Variants in VWA1 observed in about 807,000 individuals in gnomAD.
The protein encoded by VWA1 is von Willebrand factor A domain-containing protein 1.
A neutral mutation model predicts 14.9 loss-of-function variants in VWA1; 12 were observed. The observed-to-expected ratio is 0.80, with a 90% CI of 0.52 to 1.30. VWA1 has a LOEUF of 1.30. Among genes scored for constraint, VWA1 ranks in the 50% most tolerant of loss-of-function variants. VWA1 has a pLI of 0.00. For synonymous variants in VWA1, 368 were observed against 310.7 expected, an observed-to-expected ratio of 1.18 and a Z score of -1.94; for missense variants, 800 against 649.1, an observed-to-expected ratio of 1.23 and a Z score of -2.53.
Position 1,439,794 on chromosome 1 carries a change from G to A in VWA1, c.*7G>A, listed in dbSNP as rs1332610362. On this transcript the variant is annotated 3_prime_UTR_variant, in exon 3 of 3. Transcript: ENST00000476993. ...CGCCAGCCGTGAGCCGTAAGCCGGC[G>A]TCCCCGCCCAGCCGAGAGGGCCGGC... The A allele has an allele frequency of 9.3e-7, 1 of 1,071,884 alleles. No individual in the cohort carries two copies. The allele number at this position is 1,071,884 out of a possible 1,614,324, so 66.4% of individuals were successfully genotyped here.
rs1048567279 is a variant in VWA1, at chr1:1,442,379, T to G, written c.*2592T>G. ...GTTGAGACGAGAAGAGCGACAAGGT[T>G]GTGATCCACGTGGCAGGTGTTCAGA... On this transcript the variant is annotated 3_prime_UTR_variant, in exon 3 of 3. Coordinates refer to ENST00000476993, the MANE Select transcript of VWA1 (RefSeq NM_022834.5). The G allele has an allele frequency of 6.6e-6, 1 of 152,344 alleles. No individual in the cohort carries two copies. Among genetic ancestry groups the G allele is most frequent in the Non-Finnish European group, 1.5e-5 (1 of 68,114 alleles). 9.4% of individuals were successfully genotyped at this position (152,344 alleles called of 1,614,324 possible). A position where few individuals can be genotyped will look rare whatever the true frequency, so the allele number is the denominator to read the frequency against.
At chr1:1,437,955 C>G (rs3843248) in intron 2 of VWA1, among the ~76,000 whole-genome samples, 49,975 of 152,116 alleles carry the variant, frequency 0.33, 10,061 homozygotes, top group East Asian at 0.91. Flanking sequence ...TGAACTAGTT[C>G]GGACTGCAGG....
chr1:1,435,922 G>T, intron 1 of VWA1, 101 bp downstream of exon 1: 2 of 804,754 alleles, frequency 2.5e-6, no homozygotes, highest in Non-Finnish European at 3.1e-6. Flanking sequence ...CGGACGGGCG[G>T]GCGGGCTGGG....
Position 1,439,460 on chromosome 1 carries a change from C to A in VWA1, c.1011C>A (p.Arg337=), listed in dbSNP as rs915964395. Reference sequence around the variant, plus strand: ...CCCCAGAGGAGGCCGGGCCAGAGCGCATCGTCATCTCCCACGCCCGGCCGC... The same window carrying A: ...CCCCAGAGGAGGCCGGGCCAGAGCGAATCGTCATCTCCCACGCCCGGCCGC... ...LPAPEEAGPE[R]IVISHARPRS... The change falls in exon 3 of 3, where the codon CGC becomes CGA. Residue 337 remains arginine, a synonymous_variant. Coordinates refer to ENST00000476993, the MANE Select transcript of VWA1 (RefSeq NM_022834.5). 3 of 1,426,128 alleles carry A rather than the reference C, an allele frequency of 2.1e-6. No individual in the cohort carries two copies. Among genetic ancestry groups the A allele is most frequent in the Non-Finnish European group, 2.7e-6 (3 of 1,099,304 alleles). The allele number at this position is 1,426,128 out of a possible 1,614,324, so 88.3% of individuals were successfully genotyped here.
Position 1,437,483 on chromosome 1 carries a change from C to T in VWA1, c.630C>T (p.Leu210=), listed in dbSNP as rs754519281. 3.3e-5 allele frequency: 53 copies of T among 1,598,952 alleles called. 1 individual carries two copies. In the South Asian group the frequency reaches 4.1e-4, roughly 12 times the overall value. The change falls in exon 2 of 3, where the codon CTC becomes CTT. Residue 210 remains leucine (L), a splice_region_variant and synonymous_variant. Transcript: ENST00000476993. The part of the protein sequence containing the change: ...IIVQELRGSI[L]DAMRPQQLHA... ...TCCAAGAGCTGAGGGGCTCCATTCT[C>T]GGTATGCGGGAGGAGGCAGGGCCCA...
chr1:1,438,508 C>T (rs1037934532), intron 2 of VWA1, among the ~76,000 whole-genome samples: 3 of 152,148 alleles, frequency 2.0e-5, no homozygotes, highest in Non-Finnish European at 4.4e-5. Flanking sequence ...TTATGAGCCT[C>T]GCCACAGCAG....
intron 1 of VWA1, 114 bp downstream of exon 1, chr1:1,435,935 G>A: frequency 1.4e-6 from 1 of 711,410 alleles, no homozygotes; most frequent in Non-Finnish European, 1.8e-6. Context: ...GGGCTGGGAG[G>A]CTGCGGGAGC....
rs1198366531 is a variant in VWA1, at chr1:1,439,457, G to A, written c.1008G>A (p.Glu336=). 1 of 1,425,988 alleles carries A rather than the reference G, an allele frequency of 7.0e-7. No homozygotes were observed. Among genetic ancestry groups the A allele is most frequent in the Admixed American group, 2.9e-5 (1 of 34,028 alleles). 88.3% of individuals were successfully genotyped at this position (1,425,988 alleles called of 1,614,324 possible). Reference sequence around the variant, plus strand: ...CCGCCCCAGAGGAGGCCGGGCCAGAGCGCATCGTCATCTCCCACGCCCGGC... The same window carrying A: ...CCGCCCCAGAGGAGGCCGGGCCAGAACGCATCGTCATCTCCCACGCCCGGC... ...ALPAPEEAGP[E]RIVISHARPR... The change falls in exon 3 of 3, where the codon GAG becomes GAA. Residue 336 remains glutamate (E), a synonymous_variant. Coordinates refer to ENST00000476993, the MANE Select transcript of VWA1 (RefSeq NM_022834.5).
At position 1,442,748 on chromosome 1, in the gene VWA1, A is replaced by AGGC. The variant is rs1638696625; in HGVS notation, c.*2962_*2964dup. On this transcript the variant is annotated 3_prime_UTR_variant, in exon 3 of 3. Coordinates refer to ENST00000476993, the MANE Select transcript of VWA1 (RefSeq NM_022834.5). ...CAGCTGTTCGTGAGAAGCCAGACAG[A>AGGC]GGCCTGGGGTCTCAGTCCAGATTTC... is the stretch of plus-strand genomic sequence containing the variant. The AGGC allele has an allele frequency of 6.6e-6, 1 of 152,262 alleles. No homozygotes were observed. The highest frequency in any genetic ancestry group is 1.5e-5 in the Non-Finnish European group (1 of 68,056). The allele number at this position is 152,262 out of a possible 1,614,324, so 9.4% of individuals were successfully genotyped here. A position where few individuals can be genotyped will look rare whatever the true frequency, so the allele number is the denominator to read the frequency against.
At chr1:1,436,088 G>A (rs914535618) in intron 1 of VWA1, among the ~76,000 whole-genome samples, 2 of 152,180 alleles carry the variant, frequency 1.3e-5, no homozygotes, top group Admixed American at 6.5e-5. Flanking sequence ...CAGGAAGAGG[G>A]AGATGTCTGT....
intron 1 of VWA1, among the ~76,000 whole-genome samples, chr1:1,436,611 G>A (rs902135803): frequency 6.6e-6 from 1 of 152,210 alleles, no homozygotes; most frequent in Non-Finnish European, 1.5e-5. Flanking sequence ...TGGGGGCCTA[G>A]GCCAGGACTC....
Position 1,437,478 on chromosome 1 carries a change from A to G in VWA1, c.625A>G (p.Ile209Val), listed in dbSNP as rs576970389. The G allele has an allele frequency of 6.7e-5, 107 of 1,600,524 alleles. 3 individuals are homozygous for G. In the South Asian group the frequency reaches 1.2e-3, roughly 17 times the overall value. Residue 209 changes from isoleucine (I) to valine (V), a missense_variant, in exon 2 of 3, where the codon ATT (isoleucine) becomes GTT (valine). By Grantham distance (29) the Ile-to-Val change is conservative (BLOSUM62 3). Transcript: ENST00000476993. ...HIIVQELRGS[I>V]LDAMRPQQLH... is the part of the protein sequence containing the mutation. The stretch of plus-strand genomic sequence containing the variant: ...CATTGTCCAAGAGCTGAGGGGCTCC[A>G]TTCTCGGTATGCGGGAGGAGGCAGG...
At chr1:1,436,415 G>A (rs182435726) in intron 1 of VWA1, among the ~76,000 whole-genome samples, 56 of 152,300 alleles carry the variant, frequency 3.7e-4, no homozygotes, top group Admixed American at 7.2e-4. Context: ...TCTAGTAAGC[G>A]GGGTCTGGGC....
Position 1,437,378 on chromosome 1 carries a change from C to T in VWA1, c.525C>T (p.Phe175=). 1 of 1,612,872 alleles carries T rather than the reference C, an allele frequency of 6.2e-7. No homozygotes were observed. Among genetic ancestry groups the T allele is most frequent in the African/African-American group, 1.3e-5 (1 of 75,056 alleles). The change falls in exon 2 of 3, where the codon TTC becomes TTT. Residue 175 remains phenylalanine, a synonymous_variant. Transcript: ENST00000476993. ...VFIVSTGRGN[F]LELSAAASAP... Reference sequence around the variant, plus strand: ...TTGTCAGCACCGGCCGAGGCAACTTCCTGGAGCTGTCAGCCGCTGCCTCAG... The same window carrying T: ...TTGTCAGCACCGGCCGAGGCAACTTTCTGGAGCTGTCAGCCGCTGCCTCAG...
Position 1,437,428 on chromosome 1 carries a change from T to A in VWA1, c.575T>A (p.Phe192Tyr). The change falls in exon 2 of 3, where the codon TTT becomes TAT. Residue 192 changes from phenylalanine to tyrosine, a missense_variant. Transcript: ENST00000476993. The stretch of plus-strand genomic sequence containing the variant: ...GCCCCTGCCGAGAAGCACCTGCACT[T>A]TGTGGACGTGGATGACCTGCACATC... ...ASAPAEKHLH[F>Y]VDVDDLHIIV... is the part of the protein sequence containing the mutation. 1 of 1,612,634 alleles carries A rather than the reference T, an allele frequency of 6.2e-7. No individual in the cohort carries two copies. Among genetic ancestry groups the A allele is most frequent in the Non-Finnish European group, 8.5e-7 (1 of 1,179,864 alleles).
rs757856065 is a variant in VWA1, at chr1:1,439,066, C to T, written c.632-15C>T. On this transcript the variant is annotated splice_polypyrimidine_tract_variant and intron_variant, in intron 2 of 2. Coordinates refer to ENST00000476993, the MANE Select transcript of VWA1 (RefSeq NM_022834.5). ...GAACTGACCGCTGTTCCCTGACCCCCTGCACCACCCACAGACGCGATGCGG... is the reference window on the plus strand; with the variant it reads ...GAACTGACCGCTGTTCCCTGACCCCTTGCACCACCCACAGACGCGATGCGG... 1.9e-5 allele frequency: 30 copies of T among 1,595,702 alleles called. No homozygotes were observed. In the South Asian group the frequency reaches 3.2e-4, roughly 17 times the overall value.
At position 1,438,930 on chromosome 1, in the gene VWA1, C is replaced by T. The variant is rs1243640878; in HGVS notation, c.632-151C>T. On this transcript the variant is annotated intron_variant, in intron 2 of 2. Transcript: ENST00000476993. ...ACGTTCTGAGAATCCCCAGCATCTGCGGGGCATGGCTCCAGCAGCTCCTTG... is the reference window on the plus strand; with the variant it reads ...ACGTTCTGAGAATCCCCAGCATCTGTGGGGCATGGCTCCAGCAGCTCCTTG... The T allele has an allele frequency of 8.5e-6, 11 of 1,287,618 alleles. No homozygotes were observed. In the Admixed American group the frequency reaches 1.1e-4, roughly 13 times the overall value. The allele number at this position is 1,287,618 out of a possible 1,614,324, so 79.8% of individuals were successfully genotyped here.
intron 1 of VWA1, among the ~76,000 whole-genome samples, chr1:1,436,261 G>A (rs1207763435): frequency 6.6e-6 from 1 of 152,172 alleles, no homozygotes; most frequent in Non-Finnish European, 1.5e-5. Flanking sequence ...GGCGGTGTAG[G>A]GGGCATCAGC....
At chr1:1,439,059 T>C (rs764913214) in intron 2 of VWA1, 22 bp from the exon 3 acceptor site, 1 of 1,592,948 alleles carries the variant, frequency 6.3e-7, no homozygotes, top group Middle Eastern at 1.7e-4. Context: ...CGCTGTTCCC[T>C]GACCCCCTGC....
Sources: allele counts gnomAD v4.1 joint callset (sites outside exome capture counted in the v4.1 genomes callset), GRCh38; gene constraint gnomAD v4.1.1; transcripts MANE v1.5; gene names NCBI Gene and HGNC (gene_info 2026-07-23, HGNC 2026-07-21).